KCNH1: variants seen among roughly 807,000 people sequenced by gnomAD.
KCNH1 encodes the protein potassium voltage-gated channel subfamily H member 1.
In KCNH1, 27 loss-of-function variants were observed where a neutral mutation model predicts 69.2. The observed-to-expected ratio is 0.39, with a 90% CI of 0.29 to 0.54. The LOEUF is 0.54. Ranked by LOEUF, KCNH1 falls within the 20% of genes least tolerant of loss-of-function variation. KCNH1 has a pLI of 0.68. For missense variants in KCNH1, 798 were observed against 1,261.6 expected (o/e 0.63, Z 5.57); for synonymous variants, 456 against 487.7 (o/e 0.93, Z 0.86).
intron 6 of KCNH1, among the ~76,000 whole-genome samples, chr1:211,015,478 G>A (rs2102411238): frequency 6.6e-6 from 1 of 152,264 alleles, no homozygotes; most frequent in Admixed American, 6.5e-5. Context: ...GTGACCTCAA[G>A]TGGGTCTATG....
intron 7 of KCNH1, among the ~76,000 whole-genome samples, chr1:210,893,490 T>C (rs1686793601): frequency 6.6e-6 from 1 of 152,022 alleles, no homozygotes; most frequent in African/African-American, 2.4e-5. Flanking sequence ...CATAGGTTTT[T>C]TGTGTGTTTT....
At chr1:210,928,166 T>G (rs1175884048) in intron 6 of KCNH1, among the ~76,000 whole-genome samples, 3 of 151,428 alleles carry the variant, frequency 2.0e-5, no homozygotes, top group Non-Finnish European at 4.4e-5. Flanking sequence ...AGACAGAAAG[T>G]CAACAAAGAA....
intron 7 of KCNH1, among the ~76,000 whole-genome samples, chr1:210,824,607 G>A (rs1165985563): frequency 6.6e-6 from 1 of 152,096 alleles, no homozygotes; most frequent in Admixed American, 6.5e-5. Flanking sequence ...ATGTTGTTTG[G>A]GTTGAAGTAT....
chr1:210,936,399 T>A (rs1299708392), intron 6 of KCNH1, among the ~76,000 whole-genome samples: 1 of 152,186 alleles, frequency 6.6e-6, no homozygotes, highest in Non-Finnish European at 1.5e-5. Flanking sequence ...AGCACCCTGC[T>A]TTTTCCCTCT....
At chr1:210,729,750 A>C (rs1180914957) in intron 10 of KCNH1, among the ~76,000 whole-genome samples, 1 of 151,982 alleles carries the variant, frequency 6.6e-6, no homozygotes, top group African/African-American at 2.4e-5. Context: ...AAACTGATAA[A>C]ACCTTTCATC....
At chr1:210,883,614 C>T (rs1019733272) in intron 7 of KCNH1, among the ~76,000 whole-genome samples, 8 of 152,194 alleles carry the variant, frequency 5.3e-5, no homozygotes, top group Non-Finnish European at 8.8e-5. Context: ...TCCCAGCCAG[C>T]CTGGCTTAAA....
intron 6 of KCNH1, among the ~76,000 whole-genome samples, chr1:210,988,106 T>A (rs753619263): frequency 6.6e-6 from 1 of 152,246 alleles, no homozygotes; most frequent in Non-Finnish European, 1.5e-5. Context: ...AATCTCCTGA[T>A]GTGCCATTTG....
intron 6 of KCNH1, among the ~76,000 whole-genome samples, chr1:210,999,586 C>A (rs993115743): frequency 6.6e-6 from 1 of 152,202 alleles, no homozygotes; most frequent in African/African-American, 2.4e-5. Flanking sequence ...ACCAGAGGTA[C>A]AAGGAGGAGC....
At chr1:210,868,587 T>C (rs1446838924) in intron 7 of KCNH1, among the ~76,000 whole-genome samples, 1 of 152,100 alleles carries the variant, frequency 6.6e-6, no homozygotes, top group Non-Finnish European at 1.5e-5. Flanking sequence ...AGTTCATTTT[T>C]TGTATATGAA....
intron 10 of KCNH1, among the ~76,000 whole-genome samples, chr1:210,770,441 G>T (rs1057173973): frequency 6.6e-6 from 1 of 152,236 alleles, no homozygotes; most frequent in African/African-American, 2.4e-5. Flanking sequence ...GGAAACTGAG[G>T]CTCTGAATGG....
At chr1:210,971,319 C>T (rs1688508280) in intron 6 of KCNH1, among the ~76,000 whole-genome samples, 1 of 152,102 alleles carries the variant, frequency 6.6e-6, no homozygotes, top group African/African-American at 2.4e-5. Context: ...CCCTATTATT[C>T]TTCTGTGACC....
At chr1:210,761,968 G>A (rs1165746608) in intron 10 of KCNH1, among the ~76,000 whole-genome samples, 4 of 152,100 alleles carry the variant, frequency 2.6e-5, no homozygotes, top group African/African-American at 9.7e-5. Context: ...CACATGGAAC[G>A]TACTCTAAGA....
intron 7 of KCNH1, among the ~76,000 whole-genome samples, chr1:210,898,746 A>G (rs1321348169): frequency 6.6e-6 from 1 of 151,824 alleles, no homozygotes; most frequent in Non-Finnish European, 1.5e-5. Flanking sequence ...CAGAATTTGT[A>G]GCCAGGTCTA....
At position 211,120,259 on chromosome 1, in the gene KCNH1, G is replaced by A. The variant is rs530989405; in HGVS notation, c.80-12882C>T. ...GCATGGAGTGCAATGGTGCAATCTCGGCTCACTGCAACCTCTGTCTCCTGG... is the reference window on the plus strand; with the variant it reads ...GCATGGAGTGCAATGGTGCAATCTCAGCTCACTGCAACCTCTGTCTCCTGG... On this transcript the variant is annotated intron_variant, in intron 1 of 10. Coordinates refer to ENST00000271751, the MANE Select transcript of KCNH1 (RefSeq NM_172362.3). Among the ~76,000 whole-genome samples, 15 of 150,192 alleles carry A rather than the reference G, an allele frequency of 1.0e-4. No individual in the cohort carries two copies. In the South Asian group the frequency reaches 2.5e-3, roughly 25 times the overall value.
chr1:210,793,081 G>A (rs908773003), intron 9 of KCNH1, among the ~76,000 whole-genome samples: 5 of 152,020 alleles, frequency 3.3e-5, no homozygotes, highest in African/African-American at 7.3e-5. Context: ...TGAAAATCTC[G>A]AATTTATTTC....
At chr1:211,024,950 G>A (rs191838671) in intron 5 of KCNH1, among the ~76,000 whole-genome samples, 171 of 152,256 alleles carry the variant, frequency 1.1e-3, no homozygotes, top group African/African-American at 3.9e-3. Flanking sequence ...ATGGTGACAG[G>A]ATCACAAAAC....
At chr1:211,058,894 A>G (rs1045436870) in intron 5 of KCNH1, among the ~76,000 whole-genome samples, 3 of 152,228 alleles carry the variant, frequency 2.0e-5, no homozygotes, top group Non-Finnish European at 4.4e-5. Context: ...GGGATAGAAA[A>G]AGATATTCCA....
chr1:210,863,120 G>C (rs78932682), intron 7 of KCNH1, among the ~76,000 whole-genome samples: 2,529 of 152,266 alleles, frequency 0.017, 71 homozygotes, highest in African/African-American at 0.057. Context: ...TTGAATCCAT[G>C]AAGAGCTTCC....
intron 7 of KCNH1, among the ~76,000 whole-genome samples, chr1:210,806,841 A>ATC (rs1684589375): frequency 9.8e-6 from 1 of 102,514 alleles, no homozygotes; most frequent in Non-Finnish European, 2.0e-5. Flanking sequence ...AAAAAAATAT[A>ATC]TATATATATA....
Sources: allele counts gnomAD v4.1 joint callset (sites outside exome capture counted in the v4.1 genomes callset), GRCh38; gene constraint gnomAD v4.1.1; transcripts MANE v1.5; gene names NCBI Gene and HGNC (gene_info 2026-07-23, HGNC 2026-07-21).